SLC38A9: variants seen among roughly 807,000 people sequenced by gnomAD.
The protein encoded by SLC38A9 is neutral amino acid transporter 9.
In SLC38A9, 48 loss-of-function variants were observed where a neutral mutation model predicts 62.3. That is an observed-to-expected ratio of 0.77 (90% CI 0.61 to 0.98). The LOEUF (loss-of-function observed/expected upper bound fraction) is 0.98, where lower values mean the gene tolerates loss of function less well. SLC38A9 is among the 50% of genes least tolerant of loss of function. The pLI, the probability that SLC38A9 is intolerant of heterozygous loss-of-function variation, is 0.00. For synonymous variants in SLC38A9, 204 were observed against 227.7 expected (o/e 0.90, Z 0.94); for missense variants, 541 against 679.8 (o/e 0.80, Z 2.27).
At chr5:55,659,919 C>T (rs1749182812) in intron 8 of SLC38A9, among the ~76,000 whole-genome samples, 1 of 151,608 alleles carries the variant, frequency 6.6e-6, no homozygotes, top group Non-Finnish European at 1.5e-5. Context: ...GCACCCGCCA[C>T]CATGCCCGGC....
Position 55,626,313 on chromosome 5 carries a change from G to A in SLC38A9, c.*181C>T. 4 of 527,586 alleles carry A rather than the reference G, an allele frequency of 7.6e-6. No individual in the cohort carries two copies. The highest frequency in any genetic ancestry group is 1.0e-5 in the Non-Finnish European group (3 of 298,724). 32.7% of individuals were successfully genotyped at this position (527,586 alleles called of 1,614,324 possible). A position where few individuals can be genotyped will look rare whatever the true frequency, so the allele number is the denominator to read the frequency against. On this transcript the variant is annotated 3_prime_UTR_variant, in exon 16 of 16. Transcript: ENST00000396865. ...TAAAGACACTAAGATCATTCTTTTTGCCCCTTTCCCCACCCCAATAAAAAA... is the reference window on the plus strand; with the variant it reads ...TAAAGACACTAAGATCATTCTTTTTACCCCTTTCCCCACCCCAATAAAAAA...
chr5:55,650,078 G>A (rs1561334982), intron 10 of SLC38A9, among the ~76,000 whole-genome samples: 2 of 152,148 alleles, frequency 1.3e-5, no homozygotes, highest in East Asian at 3.9e-4. Context: ...AGAAAGAAAA[G>A]CAGTGAATGT....
At chr5:55,676,106 T>C (rs1373196749) in intron 3 of SLC38A9, among the ~76,000 whole-genome samples, 1 of 152,232 alleles carries the variant, frequency 6.6e-6, no homozygotes, top group Admixed American at 6.5e-5. Flanking sequence ...CATGGAGAAC[T>C]TTTAGGTTAC....
chr5:55,638,376 CA>C (rs1229383846), intron 12 of SLC38A9, among the ~76,000 whole-genome samples: 1 of 151,828 alleles, frequency 6.6e-6, no homozygotes, highest in Non-Finnish European at 1.5e-5. Flanking sequence ...AAACGAGGCT[CA>C]AAGTAAAAAA....
At chr5:55,674,400 A>C (rs73113700) in intron 3 of SLC38A9, among the ~76,000 whole-genome samples, 5,359 of 152,278 alleles carry the variant, frequency 0.035, 129 homozygotes, top group African/African-American at 0.066. Flanking sequence ...TGATTAGGTC[A>C]TGAGGGCTCT....
intron 3 of SLC38A9, chr5:55,675,370 T>G (rs1751950066): frequency 1.3e-5 from 2 of 152,196 alleles, no homozygotes; most frequent in Non-Finnish European, 2.9e-5. Flanking sequence ...TCAAAACAGA[T>G]TCTCTTCAAA....
chr5:55,690,954 C>G (rs944001278), intron 3 of SLC38A9, among the ~76,000 whole-genome samples: 23 of 152,034 alleles, frequency 1.5e-4, no homozygotes, highest in Admixed American at 1.3e-4. Flanking sequence ...CCTTAAGTAC[C>G]AAAAAGAGTC....
intron 12 of SLC38A9, among the ~76,000 whole-genome samples, chr5:55,636,230 G>GA (rs1744381483): frequency 6.6e-6 from 1 of 152,146 alleles, no homozygotes; most frequent in African/African-American, 2.4e-5. Flanking sequence ...TAAACAAAAG[G>GA]AAATCAAAAG....
At chr5:55,692,749 C>T in intron 3 of SLC38A9, 4 of 985,350 alleles carry the variant, frequency 4.1e-6, no homozygotes, top group Non-Finnish European at 4.8e-6. Context: ...ACTTTAATGA[C>T]TTACATTCTG....
At position 55,656,695 on chromosome 5, in the gene SLC38A9, C is replaced by A. The variant is rs543891762; in HGVS notation, c.757+20G>T. 6.4e-7 allele frequency: 1 copy of A among 1,565,802 alleles called. No individual in the cohort carries two copies. The highest frequency in any genetic ancestry group is 1.1e-5 in the South Asian group (1 of 89,892). On this transcript the variant is annotated intron_variant, in intron 9 of 15. Transcript: ENST00000396865. The stretch of plus-strand genomic sequence containing the variant: ...GCAAGGTGGAGAGTAAAGAAACAAA[C>A]AACATCCCAAACTACTTACCAGGGT...
chr5:55,687,685 T>C (rs898003656), intron 3 of SLC38A9, among the ~76,000 whole-genome samples: 1 of 152,000 alleles, frequency 6.6e-6, no homozygotes, highest in Admixed American at 6.6e-5. Context: ...AGTATTTTAT[T>C]TTTTTATTAT....
chr5:55,630,274 C>T (rs535371266), intron 14 of SLC38A9, among the ~76,000 whole-genome samples: 2 of 152,182 alleles, frequency 1.3e-5, no homozygotes, highest in African/African-American at 2.4e-5. Flanking sequence ...GTAAAACAAA[C>T]ATCAGAGTTT....
chr5:55,692,098 G>A (rs1471538903), intron 3 of SLC38A9, among the ~76,000 whole-genome samples: 1 of 152,130 alleles, frequency 6.6e-6, no homozygotes, highest in Non-Finnish European at 1.5e-5. Context: ...TCAAAGTATG[G>A]TAATATGTAA....
intron 3 of SLC38A9, among the ~76,000 whole-genome samples, chr5:55,695,763 G>A (rs1479557213): frequency 2.6e-5 from 2 of 77,358 alleles, no homozygotes; most frequent in East Asian, 6.2e-4. Context: ...ATCCTGGCCC[G>A]TTCTCAATGA....
At chr5:55,671,976 T>C (rs372111826) in intron 4 of SLC38A9, among the ~76,000 whole-genome samples, 1 of 151,996 alleles carries the variant, frequency 6.6e-6, no homozygotes, top group African/African-American at 2.4e-5. Context: ...GCCTCTCAAG[T>C]AGCTGGAACT....
At chr5:55,700,843 T>A (rs908679502) in intron 2 of SLC38A9, among the ~76,000 whole-genome samples, 1 of 152,146 alleles carries the variant, frequency 6.6e-6, no homozygotes, top group East Asian at 1.9e-4. Context: ...GGCCTCCAGG[T>A]TTTTTCCCTA....
At chr5:55,639,216 C>T (rs543221496) in intron 12 of SLC38A9, among the ~76,000 whole-genome samples, 40 of 144,332 alleles carry the variant, frequency 2.8e-4, no homozygotes, top group East Asian at 2.2e-3. Flanking sequence ...GAGGTTGCAG[C>T]GAGCCAAGAT....
intron 10 of SLC38A9, 141 bp from the exon 11 acceptor site, chr5:55,649,455 G>A: frequency 2.0e-6 from 1 of 506,480 alleles, no homozygotes; most frequent in Non-Finnish European, 3.5e-6. Context: ...CACCCAGCTG[G>A]GATCTAAAGA....
At chr5:55,686,844 G>GT (rs771144239) in intron 3 of SLC38A9, among the ~76,000 whole-genome samples, 13 of 152,152 alleles carry the variant, frequency 8.5e-5, no homozygotes, top group Non-Finnish European at 1.8e-4. Context: ...TGGCTACTCA[G>GT]TTATCCCAGC....
Sources: gnomAD v4.1 joint callset for allele counts (sites outside exome capture counted in the v4.1 genomes callset) on GRCh38, gnomAD v4.1.1 for gene constraint, MANE v1.5 for transcripts, NCBI Gene and HGNC (gene_info 2026-07-23, HGNC 2026-07-21) for gene names.